Variants in ASAH1 observed in about 807,000 individuals in gnomAD.
ASAH1 encodes the protein acid ceramidase.
Under a neutral mutation model 59.5 loss-of-function variants are expected in ASAH1, and 70 were observed. That is an observed-to-expected ratio of 1.18 (90% CI 0.97 to 1.43). ASAH1 has a LOEUF of 1.43. Among genes scored for constraint, ASAH1 ranks in the 40% most tolerant of loss-of-function variants. The pLI, the probability that ASAH1 is intolerant of heterozygous loss-of-function variation, is 0.00. For synonymous variants in ASAH1, 213 were observed against 166.5 expected, an observed-to-expected ratio of 1.28 and a Z score of -2.15; for missense variants, 660 against 482.5, an observed-to-expected ratio of 1.37 and a Z score of -3.45.
In ASAH1 at chr8:18,059,555, T is replaced by G. The variant is rs1799606745; in HGVS notation, c.917+17A>C. 1 of 1,614,084 alleles carries G rather than the reference T, an allele frequency of 6.2e-7. No homozygotes were observed. Among genetic ancestry groups the G allele is most frequent in the Non-Finnish European group, 8.5e-7 (1 of 1,180,032 alleles). ...TGCTTTTGTTTCTACTTCTTTTGCT[T>G]TAACAAACCTACTTACTCATATACA... is the stretch of plus-strand genomic sequence containing the variant. On this transcript the variant is annotated intron_variant, in intron 11 of 13. Transcript: ENST00000637790.
chr8:18,075,001 C>CTTTTTTTTTTTTTTTTTTTTTTTTTT (rs769278694), intron 2 of ASAH1, among the ~76,000 whole-genome samples: 3 of 148,468 alleles, frequency 2.0e-5, no homozygotes, highest in African/African-American at 7.5e-5. Flanking sequence ...AAAATCCTTT[C>CTTTTTTTTTTTTTTTTTTTTTTTTTT]CTTTTTTTTT....
At chr8:18,069,714 G>C in intron 4 of ASAH1, 78 bp downstream of exon 4, 2 of 1,047,752 alleles carry the variant, frequency 1.9e-6, no homozygotes, top group Admixed American at 3.6e-5. Context: ...CGAAGAGGTT[G>C]CTGAATTATG....
In ASAH1 at chr8:18,059,563, C is replaced by A. The variant is rs201082114; in HGVS notation, c.917+9G>T. 1.5e-5 allele frequency: 24 copies of A among 1,614,170 alleles called. No homozygotes were observed. The highest frequency in any genetic ancestry group is 1.9e-5 in the Non-Finnish European group (23 of 1,180,034). ...TTTCTACTTCTTTTGCTTTAACAAA[C>A]CTACTTACTCATATACATCCAATGA... is the stretch of plus-strand genomic sequence containing the variant. On this transcript the variant is annotated intron_variant, in intron 11 of 13. Transcript: ENST00000637790.
intron 5 of ASAH1, chr8:18,065,812 G>A (rs897858585): frequency 2.0e-5 from 3 of 151,394 alleles, no homozygotes; most frequent in African/African-American, 7.3e-5. Flanking sequence ...AGACAAATAT[G>A]TAAATGAAAC....
chr8:18,061,949 C>T (rs1033658713), intron 8 of ASAH1: 11 of 640,276 alleles, frequency 1.7e-5, no homozygotes, highest in East Asian at 2.7e-5. Flanking sequence ...TCACTGGCAA[C>T]GCTTTTTGGA....
chr8:18,078,877 CCT>C (rs1412735498), intron 1 of ASAH1, among the ~76,000 whole-genome samples: 9 of 152,122 alleles, frequency 5.9e-5, no homozygotes, highest in Non-Finnish European at 1.2e-4. Context: ...CCCCACAGTA[CCT>C]CTCTTTCTCT....
chr8:18,075,371 A>G (rs368944680), intron 2 of ASAH1, 170 bp downstream of exon 2: 1 of 762,304 alleles, frequency 1.3e-6, no homozygotes, highest in South Asian at 1.4e-5. Context: ...TATTTGTCCA[A>G]GATCTCAGCC....
chr8:18,073,221 C>T (rs1187589381), intron 2 of ASAH1: 2 of 1,543,866 alleles, frequency 1.3e-6, no homozygotes, highest in African/African-American at 1.3e-5. Context: ...AACTTGTGCG[C>T]CTCCATTTCC....
At chr8:18,073,317 A>G (rs1800252807) in intron 2 of ASAH1, 2 of 1,538,662 alleles carry the variant, frequency 1.3e-6, no homozygotes, top group African/African-American at 1.4e-5. Flanking sequence ...ACTTAGCAGC[A>G]TTGGTATTCA....
intron 1 of ASAH1, among the ~76,000 whole-genome samples, chr8:18,083,721 T>A (rs1184903934): frequency 6.6e-6 from 1 of 152,228 alleles, no homozygotes; most frequent in Non-Finnish European, 1.5e-5. Context: ...TCTAAGAATG[T>A]GCGAATCACA....
chr8:18,063,238 A>C lies in ASAH1; in HGVS notation c.458-8T>G, dbSNP rs371900999. 2.5e-5 allele frequency: 41 copies of C among 1,612,332 alleles called. No homozygotes were observed. The African/African-American group carries it at 5.2e-4, about 20-fold the overall frequency. On this transcript the variant is annotated splice_region_variant and splice_polypyrimidine_tract_variant and intron_variant, in intron 6 of 13. Coordinates refer to ENST00000637790, the MANE Select transcript of ASAH1 (RefSeq NM_177924.5). ...TCCCATGTATTAGATGACCTATTTG[A>C]AGGTAGACAGAAGAGACGTGTAATA...
intron 2 of ASAH1, among the ~76,000 whole-genome samples, chr8:18,072,646 GA>G (rs1206010748): frequency 5.3e-5 from 8 of 152,160 alleles, no homozygotes; most frequent in African/African-American, 1.4e-4. Context: ...TTATATTCTA[GA>G]AAAAAACTTT....
chr8:18,073,499 A>T (rs896738138), intron 2 of ASAH1, among the ~76,000 whole-genome samples: 14 of 152,220 alleles, frequency 9.2e-5, no homozygotes, highest in African/African-American at 3.4e-4. Flanking sequence ...AAGTGACACA[A>T]CACACACATA....
At position 18,084,100 on chromosome 8, in the gene ASAH1, C is replaced by A. The variant is rs776255984; in HGVS notation, c.-42G>T. ...GCCACTCCCCGGACTCCAGCAGAGG[C>A]AAAGAAGAGCCGGCTGGGCCGGGGG... On this transcript the variant is annotated 5_prime_UTR_variant, in exon 1 of 14. Transcript: ENST00000637790. 2.2e-5 allele frequency: 35 copies of A among 1,595,678 alleles called. No individual in the cohort carries two copies. Among genetic ancestry groups the A allele is most frequent in the East Asian group, 4.5e-5 (2 of 44,780 alleles).
intron 9 of ASAH1, 101 bp from the exon 10 acceptor site, chr8:18,061,559 A>C: frequency 6.9e-7 from 1 of 1,442,332 alleles, no homozygotes; most frequent in Non-Finnish European, 9.8e-7. Context: ...CAGGAACCAG[A>C]AGAGGTTAGA....
chr8:18,057,578 C>T lies in ASAH1; in HGVS notation c.1144G>A (p.Glu382Lys), dbSNP rs148976489. The T allele has an allele frequency of 2.1e-4, 332 of 1,604,366 alleles. 2 individuals carry two copies. Among genetic ancestry groups the T allele is most frequent in the South Asian group, 3.6e-4 (33 of 90,952 alleles). Residue 382 changes from glutamate to lysine, a missense_variant, in exon 14 of 14, where the codon GAA becomes AAA. Physicochemically the swap from Glu to Lys is moderately conservative, Grantham distance 56. Transcript: ENST00000637790. Reference sequence around the variant, plus strand: ...TCAGGGCAGTCCCGCAGGTAAGTTTCGAATTGACCTTTGGTAACATCTATC... The same window carrying T: ...TCAGGGCAGTCCCGCAGGTAAGTTTTGAATTGACCTTTGGTAACATCTATC... ...TLIDVTKGQF[E>K]TYLRDCPDPC...
intron 5 of ASAH1, chr8:18,065,176 A>G (rs563893180): frequency 2.4e-4 from 36 of 151,638 alleles, no homozygotes; most frequent in African/African-American, 7.7e-4. Context: ...GTGAAATTCT[A>G]GTTATTTTAT....
intron 1 of ASAH1, chr8:18,075,948 AC>A: frequency 2.9e-6 from 1 of 349,464 alleles, no homozygotes; most frequent in Non-Finnish European, 5.5e-6. Flanking sequence ...ATCTGCACTT[AC>A]CAGCCATGTG....
chr8:18,065,111 T>C (rs561624976), intron 5 of ASAH1: 6 of 152,204 alleles, frequency 3.9e-5, no homozygotes, highest in African/African-American at 1.2e-4. Flanking sequence ...AAGCTCAACA[T>C]GTTTTTTTCA....
Sources: gnomAD v4.1 joint callset for allele counts (sites outside exome capture counted in the v4.1 genomes callset) on GRCh38, gnomAD v4.1.1 for gene constraint, MANE v1.5 for transcripts, NCBI Gene and HGNC (gene_info 2026-07-23, HGNC 2026-07-21) for gene names.